Variants in CPSF2 observed in about 807,000 individuals in gnomAD.
The protein encoded by CPSF2 is cleavage and polyadenylation specificity factor subunit 2.
Under a neutral mutation model 84.2 loss-of-function variants are expected in CPSF2, and 51 were observed. The observed-to-expected ratio is 0.61, with a 90% CI of 0.48 to 0.77. The LOEUF (loss-of-function observed/expected upper bound fraction) is 0.77. Ranked by LOEUF, CPSF2 falls within the 30% of genes least tolerant of loss-of-function variation. The probability of loss-of-function intolerance (pLI) is 0.00; values close to 1 mark genes in which losing one functional copy is unlikely to be tolerated. For missense variants in CPSF2, 641 were observed against 929.4 expected (o/e 0.69, Z 4.03); for synonymous variants, 286 against 311.9 (o/e 0.92, Z 0.87).
intron 6 of CPSF2, among the ~76,000 whole-genome samples, chr14:92,136,078 G>A (rs1299240029): frequency 6.6e-6 from 1 of 152,154 alleles, no homozygotes; most frequent in African/African-American, 2.4e-5. Flanking sequence ...TTTAAAGTTA[G>A]TCCCTTTGAA....
At position 92,169,621 on chromosome 14, in the gene CPSF2, CA is replaced by C. The variant is rs1454502544; in HGVS notation, c.*7880del. The C allele has an allele frequency of 6.8e-6, 1 of 147,130 alleles. No homozygotes were observed. Among genetic ancestry groups the C allele is most frequent in the Non-Finnish European group, 1.5e-5 (1 of 67,008 alleles). 9.1% of individuals were successfully genotyped at this position (147,130 alleles called of 1,614,324 possible). A position where few individuals can be genotyped will look rare whatever the true frequency, so the allele number is the denominator to read the frequency against. On this transcript the variant is annotated 3_prime_UTR_variant, in exon 16 of 16. Transcript: ENST00000298875. ...ATCAGTTATAAGGAAAAACCAAATT[CA>C]AATTCTTAAGGTTTTTCTTATATGT...
chr14:92,157,434 G>A lies in CPSF2; in HGVS notation c.1596-225G>A, dbSNP rs374960760. 2.6e-5 allele frequency among the ~76,000 whole-genome samples: 4 copies of A among 152,288 alleles called. No homozygotes were observed. In the South Asian group the frequency reaches 8.3e-4, roughly 32 times the overall value. ...AGTCAGGAGAATCACTTGAACCTGG[G>A]AGGTAGAGGTTGCAATGAGCGAAGA... On this transcript the variant is annotated intron_variant, in intron 12 of 15. Transcript: ENST00000298875. This position sits in a 1 kb window ranked among gnomAD's most constrained non-coding sequence, Gnocchi z 4.0.
At chr14:92,145,346 A>T (rs9323871) in intron 9 of CPSF2, among the ~76,000 whole-genome samples, 30,506 of 151,948 alleles carry the variant, frequency 0.2, 3,303 homozygotes, top group East Asian at 0.29. Flanking sequence ...CTGTCCCTAC[A>T]CCACCCCCTA....
chr14:92,160,816 G>A (rs2295725), intron 14 of CPSF2, among the ~76,000 whole-genome samples: 14,985 of 152,242 alleles, frequency 0.098, 817 homozygotes, highest in East Asian at 0.15. Context: ...CATTATGCAA[G>A]TGGGTGAGTG....
At chr14:92,123,429 G>C (rs956502490) in intron 1 of CPSF2, among the ~76,000 whole-genome samples, 28 of 151,700 alleles carry the variant, frequency 1.8e-4, no homozygotes, top group Non-Finnish European at 7.4e-5. Context: ...ACCGGGTCTC[G>C]CTCTGTCCAC....
In CPSF2 at chr14:92,138,246, GT is replaced by G. The variant is rs2069025947; in HGVS notation, c.562del (p.Ser188ProfsTer5). 6.3e-7 allele frequency: 1 copy of G among 1,591,152 alleles called. No individual in the cohort carries two copies. Among genetic ancestry groups the G allele is most frequent in the Non-Finnish European group, 8.6e-7 (1 of 1,165,676 alleles). The stretch of plus-strand genomic sequence containing the variant: ...CTTTCTTATAGCCATTTAAATGGAT[GT>G]TCCCTGGAAATGCTAAGCAGGCCTT... ...NHKREIHLNG[C>X]SLEMLSRPSL... On this transcript the variant is annotated frameshift_variant, in exon 7 of 16. Transcript: ENST00000298875. LOFTEE classifies it high-confidence loss of function.
At chr14:92,144,472 T>C in intron 9 of CPSF2, among the ~76,000 whole-genome samples, 1 of 152,232 alleles carries the variant, frequency 6.6e-6, no homozygotes, top group South Asian at 2.1e-4. Context: ...ACAACAACTC[T>C]TCTGTTCCAT....
intron 7 of CPSF2, among the ~76,000 whole-genome samples, chr14:92,138,699 G>A (rs1308906842): frequency 6.6e-6 from 1 of 152,076 alleles, no homozygotes; most frequent in African/African-American, 2.4e-5. Flanking sequence ...CAAAGTGCTG[G>A]GATTACAGGC....
chr14:92,158,328 T>C (rs2069320098), intron 13 of CPSF2, among the ~76,000 whole-genome samples: 2 of 152,144 alleles, frequency 1.3e-5, no homozygotes, highest in Admixed American at 6.5e-5. Flanking sequence ...CTACTCCTAA[T>C]TGGAACAAAT....
In CPSF2 at chr14:92,143,141, C is replaced by T; in HGVS notation, c.987C>T (p.Ser329=). The part of the protein sequence containing the change: ...RVPSPKVVLA[S]QPDLECGFSR... ...CTAGCCCTAAAGTTGTACTTGCCAG[C>T]CAACCTGACCTGGAATGCGGATTTT... is the stretch of plus-strand genomic sequence containing the variant. The change falls in exon 9 of 16, where the codon AGC becomes AGT. Residue 329 remains serine, a synonymous_variant. Coordinates refer to ENST00000298875, the MANE Select transcript of CPSF2 (RefSeq NM_017437.3). The T allele has an allele frequency of 4.3e-6, 7 of 1,614,046 alleles. No homozygotes were observed. Among genetic ancestry groups the T allele is most frequent in the Non-Finnish European group, 5.9e-6 (7 of 1,180,016 alleles).
chr14:92,160,776 C>T (rs2069361573), intron 14 of CPSF2, among the ~76,000 whole-genome samples: 1 of 152,136 alleles, frequency 6.6e-6, no homozygotes, highest in Non-Finnish European at 1.5e-5. Context: ...ATTTTTGGTT[C>T]AGTCCTGCCC....
intron 7 of CPSF2, among the ~76,000 whole-genome samples, chr14:92,140,337 G>A (rs901714690): frequency 6.6e-6 from 1 of 151,980 alleles, no homozygotes; most frequent in Non-Finnish European, 1.5e-5. Context: ...GCCTGACATT[G>A]TGGTCAATGG....
Position 92,158,843 on chromosome 14 carries a change from G to A in CPSF2, c.1822-140G>A, listed in dbSNP as rs370869639. ...TCTGCAGGTAATGAGGTCATTGCAGGTCATTGTGGGACTCAGATGAGTGAA... is the reference window on the plus strand; with the variant it reads ...TCTGCAGGTAATGAGGTCATTGCAGATCATTGTGGGACTCAGATGAGTGAA... On this transcript the variant is annotated intron_variant, in intron 13 of 15. Coordinates refer to ENST00000298875, the MANE Select transcript of CPSF2 (RefSeq NM_017437.3). The A allele has an allele frequency of 7.1e-6, 5 of 706,694 alleles. No homozygotes were observed. In the East Asian group the frequency reaches 8.3e-5, roughly 12 times the overall value. The allele number at this position is 706,694 out of a possible 1,614,324, so 43.8% of individuals were successfully genotyped here.
At chr14:92,123,461 C>T (rs947386919) in intron 1 of CPSF2, among the ~76,000 whole-genome samples, 16 of 151,784 alleles carry the variant, frequency 1.1e-4, no homozygotes, top group Admixed American at 6.6e-4. Context: ...TGCAGTGGTG[C>T]CATCTCAGCT....
rs1430338757 is a variant in CPSF2, at chr14:92,165,933, C to T, written c.*4189C>T. The T allele has an allele frequency of 1.5e-5, 2 of 133,132 alleles. No homozygotes were observed. Among genetic ancestry groups the T allele is most frequent in the African/African-American group, 5.8e-5 (2 of 34,326 alleles). 8.2% of individuals were successfully genotyped at this position (133,132 alleles called of 1,614,324 possible). On this transcript the variant is annotated 3_prime_UTR_variant, in exon 16 of 16. Coordinates refer to ENST00000298875, the MANE Select transcript of CPSF2 (RefSeq NM_017437.3). ...CTGGAGTGCAGTGGCGCGGTCTCAG[C>T]TCACTGCAACCTCTGCCTCCCAGAT...
rs117434952 is a variant in CPSF2, at chr14:92,149,858, T to C, written c.1141-4500T>C. 9.6e-3 allele frequency among the ~76,000 whole-genome samples: 1,463 copies of C among 152,112 alleles called. 62 individuals carry two copies. In the East Asian group the frequency reaches 0.13, roughly 13 times the overall value. The stretch of plus-strand genomic sequence containing the variant: ...TTTTAGTAGAGACATTGTTTCACCA[T>C]GTTAACCAGGATGGTCTTGATCTCC... On this transcript the variant is annotated intron_variant, in intron 9 of 15. Transcript: ENST00000298875.
Position 92,130,971 on chromosome 14 carries a change from C to T in CPSF2, c.-14C>T. On this transcript the variant is annotated 5_prime_UTR_variant, in exon 3 of 16. Coordinates refer to ENST00000298875, the MANE Select transcript of CPSF2 (RefSeq NM_017437.3). ...GAAAGACTCTTCTAGCTTGCTGTTT[C>T]TGGACCAAAAAAAATGACGTCTATT... 1 of 1,607,918 alleles carries T rather than the reference C, an allele frequency of 6.2e-7. No individual in the cohort carries two copies. The highest frequency in any genetic ancestry group is 2.2e-5 in the East Asian group (1 of 44,700).
At position 92,166,033 on chromosome 14, in the gene CPSF2, T is replaced by A. The variant is rs1295345796; in HGVS notation, c.*4289T>A. 1 of 151,230 alleles carries A rather than the reference T, an allele frequency of 6.6e-6. No homozygotes were observed. The highest frequency in any genetic ancestry group is 2.0e-4 in the East Asian group (1 of 5,064). 9.4% of individuals were successfully genotyped at this position (151,230 alleles called of 1,614,324 possible). A position where few individuals can be genotyped will look rare whatever the true frequency, so the allele number is the denominator to read the frequency against. On this transcript the variant is annotated 3_prime_UTR_variant, in exon 16 of 16. Transcript: ENST00000298875. ...CCACCACCATGCCTGGCTAAATTTTTGTATTTTTAGTAAAGACATGGTTTT... is the reference window on the plus strand; with the variant it reads ...CCACCACCATGCCTGGCTAAATTTTAGTATTTTTAGTAAAGACATGGTTTT...
At chr14:92,130,160 A>ACATATGC (rs2068897719) in intron 2 of CPSF2, among the ~76,000 whole-genome samples, 1 of 152,184 alleles carries the variant, frequency 6.6e-6, no homozygotes, top group Admixed American at 6.5e-5. Context: ...GGAGTTGCAA[A>ACATATGC]CATATGCCAC....
Sources: allele counts gnomAD v4.1 joint callset (sites outside exome capture counted in the v4.1 genomes callset), GRCh38; gene constraint gnomAD v4.1.1; non-coding constraint Gnocchi (gnomAD v3.1); transcripts MANE v1.5; gene names NCBI Gene and HGNC (gene_info 2026-07-23, HGNC 2026-07-21).